Variants in FHIT observed in about 807,000 individuals in gnomAD.
FHIT encodes bis(5'-adenosyl)-triphosphatase.
Under a neutral mutation model 17.9 loss-of-function variants are expected in FHIT, and 19 were observed. The observed-to-expected ratio is 1.06, with a 90% CI of 0.74 to 1.56. The LOEUF (loss-of-function observed/expected upper bound fraction) is 1.56. Ranked by LOEUF, FHIT falls within the 40% of genes most tolerant of loss-of-function variation. The pLI, the probability that FHIT is intolerant of heterozygous loss-of-function variation, is 0.00. For missense variants in FHIT, 248 were observed against 189.2 expected (o/e 1.31, Z -1.82); for synonymous variants, 81 against 69.7 (o/e 1.16, Z -0.81).
chr3:60,986,218 G>A (rs1575798660), intron 3 of FHIT, among the ~76,000 whole-genome samples: 1 of 152,154 alleles, frequency 6.6e-6, no homozygotes, highest in East Asian at 1.9e-4. Context: ...ACCACACCAA[G>A]TGATGCTGAT....
intron 2 of FHIT, among the ~76,000 whole-genome samples, chr3:61,118,160 C>T (rs1260598922): frequency 6.6e-6 from 1 of 152,220 alleles, no homozygotes; most frequent in African/African-American, 2.4e-5. Flanking sequence ...CATTTTATTA[C>T]CTCCAAATTT....
chr3:60,602,092 G>A (rs1553668959), intron 4 of FHIT, among the ~76,000 whole-genome samples: 1 of 152,116 alleles, frequency 6.6e-6, no homozygotes, highest in Admixed American at 6.5e-5. Context: ...CAGTGTCCCT[G>A]AAACACTGGA....
intron 4 of FHIT, among the ~76,000 whole-genome samples, chr3:60,573,742 C>T (rs902640549): frequency 2.0e-5 from 3 of 152,086 alleles, no homozygotes; most frequent in Admixed American, 6.6e-5. Context: ...ATTTCTTCCT[C>T]TACAGAGAAA....
At chr3:60,596,857 C>A (rs1344110414) in intron 4 of FHIT, among the ~76,000 whole-genome samples, 4 of 152,104 alleles carry the variant, frequency 2.6e-5, no homozygotes, top group African/African-American at 7.2e-5. Flanking sequence ...TTAAATGAAC[C>A]TAATAATGTG....
At chr3:60,803,832 C>G (rs1413056397) in intron 4 of FHIT, among the ~76,000 whole-genome samples, 3 of 152,192 alleles carry the variant, frequency 2.0e-5, no homozygotes, top group Non-Finnish European at 2.9e-5. Flanking sequence ...GCCAACTCAG[C>G]CAGCTGGCAC....
At chr3:60,224,330 T>C (rs1704092600) in intron 5 of FHIT, among the ~76,000 whole-genome samples, 1 of 152,102 alleles carries the variant, frequency 6.6e-6, no homozygotes, top group South Asian at 2.1e-4. Flanking sequence ...TGCAAAATGA[T>C]GGCAAATAAA....
intron 5 of FHIT, among the ~76,000 whole-genome samples, chr3:60,052,964 C>G (rs893243855): frequency 6.6e-6 from 1 of 151,848 alleles, no homozygotes; most frequent in Admixed American, 6.6e-5. Flanking sequence ...TATAAAATTA[C>G]ACTTAAAATA....
intron 5 of FHIT, among the ~76,000 whole-genome samples, chr3:60,238,130 C>T (rs75468305): frequency 0.036 from 4,419 of 124,056 alleles, 166 homozygotes; most frequent in African/African-American, 0.094. Context: ...TGGCACCAAG[C>T]GAGACTCCGT....
intron 9 of FHIT, 199 bp downstream of exon 9, chr3:59,752,022 C>A (rs889604003): frequency 2.2e-6 from 1 of 463,940 alleles, no homozygotes. Flanking sequence ...AGTGAAGAGG[C>A]AGGAGAGTTG....
At chr3:59,875,570 G>A (rs538555464) in intron 8 of FHIT, among the ~76,000 whole-genome samples, 1 of 152,092 alleles carries the variant, frequency 6.6e-6, no homozygotes, top group South Asian at 2.1e-4. Flanking sequence ...TTATATTTTT[G>A]TGATATCAGG....
At chr3:61,081,017 G>A (rs886845333) in intron 2 of FHIT, among the ~76,000 whole-genome samples, 1 of 152,074 alleles carries the variant, frequency 6.6e-6, no homozygotes, top group African/African-American at 2.4e-5. Context: ...ATTTCAAGGC[G>A]GCCTGGAGAG....
At chr3:60,501,469 T>C (rs1029345635) in intron 5 of FHIT, among the ~76,000 whole-genome samples, 16 of 152,198 alleles carry the variant, frequency 1.1e-4, no homozygotes, top group African/African-American at 3.6e-4. Flanking sequence ...GACTAACCGA[T>C]GCATATTATT....
At chr3:60,566,071 T>C (rs2037122729) in intron 4 of FHIT, among the ~76,000 whole-genome samples, 1 of 152,176 alleles carries the variant, frequency 6.6e-6, no homozygotes, top group Admixed American at 6.5e-5. Flanking sequence ...TTGAGTGGTT[T>C]TGAGTGAGTT....
At position 60,077,735 on chromosome 3, in the gene FHIT, T is replaced by TAG. The variant is rs1553677417; in HGVS notation, c.104-63585_104-63584dup. Among the ~76,000 whole-genome samples, 282 of 63,230 alleles carry TAG rather than the reference T, an allele frequency of 4.5e-3. 2 individuals are homozygous for TAG. The highest frequency in any genetic ancestry group is 6.7e-3 in the African/African-American group (103 of 15,428). The allele number at this position is 63,230 out of a possible 152,430, so 41.5% of individuals were successfully genotyped here. On this transcript the variant is annotated intron_variant, in intron 5 of 9. Transcript: ENST00000492590. ...ACACACACACACACACACACATATA[T>TAG]AGAGGGGGGGGGGAGGATACAAAGT...
intron 7 of FHIT, among the ~76,000 whole-genome samples, chr3:59,935,370 C>T (rs1706184266): frequency 6.6e-6 from 1 of 151,940 alleles, no homozygotes; most frequent in South Asian, 2.1e-4. Flanking sequence ...TTTCTCTTTC[C>T]TTTTCTTCCT....
chr3:60,439,722 CTT>C (rs1373596499), intron 5 of FHIT, among the ~76,000 whole-genome samples: 1 of 152,118 alleles, frequency 6.6e-6, no homozygotes, highest in Non-Finnish European at 1.5e-5. Flanking sequence ...AAGAATCACT[CTT>C]TTCTAAACTC....
chr3:59,986,498 AATAT>A (rs74199531), intron 7 of FHIT, among the ~76,000 whole-genome samples: 59 of 62,314 alleles, frequency 9.5e-4, no homozygotes, highest in African/African-American at 3.8e-3. Context: ...AGTAGTCCAA[AATAT>A]ATATATATAT....
At chr3:60,470,414 A>T (rs1036583101) in intron 5 of FHIT, among the ~76,000 whole-genome samples, 1 of 152,050 alleles carries the variant, frequency 6.6e-6, no homozygotes, top group Non-Finnish European at 1.5e-5. Flanking sequence ...CTAAGCTGGC[A>T]CCCAAACCAT....
At chr3:59,790,751 CA>C (rs1440608819) in intron 8 of FHIT, among the ~76,000 whole-genome samples, 1 of 152,038 alleles carries the variant, frequency 6.6e-6, no homozygotes. Context: ...TGTGTCTCCC[CA>C]ACACTGTAAT....
Sources: allele counts gnomAD v4.1 joint callset (sites outside exome capture counted in the v4.1 genomes callset), GRCh38; gene constraint gnomAD v4.1.1; transcripts MANE v1.5; gene names NCBI Gene and HGNC (gene_info 2026-07-23, HGNC 2026-07-21).